The following NPFFR2 variants were observed in gnomAD, a reference collection of about 807,000 sequenced individuals.
NPFFR2 encodes G-protein coupled receptor 74.
A neutral mutation model predicts 13.1 loss-of-function variants in NPFFR2; 15 were observed. That is an observed-to-expected ratio of 1.15 (90% CI 0.77 to 1.76). NPFFR2 has a LOEUF of 1.76. Ranked by LOEUF, NPFFR2 falls within the 40% of genes most tolerant of loss-of-function variation. The pLI, the probability that NPFFR2 is intolerant of heterozygous loss-of-function variation, is 0.00. For missense variants in NPFFR2, 572 were observed against 503.5 expected (o/e 1.14, Z -1.30); for synonymous variants, 190 against 175.7 (o/e 1.08, Z -0.65).
intron 1 of NPFFR2, among the ~76,000 whole-genome samples, chr4:72,114,975 G>A (rs376574988): frequency 1.3e-5 from 2 of 152,090 alleles, no homozygotes; most frequent in South Asian, 2.1e-4. Flanking sequence ...TTTTCCCAGA[G>A]GATTAAGTGA....
intron 1 of NPFFR2, among the ~76,000 whole-genome samples, chr4:72,063,205 A>G (rs1719969773): frequency 6.6e-6 from 1 of 152,216 alleles, no homozygotes. Context: ...TTCATAACCA[A>G]AAGTATGTTT....
chr4:72,083,442 T>C (rs1720685655), intron 1 of NPFFR2, among the ~76,000 whole-genome samples: 1 of 152,230 alleles, frequency 6.6e-6, no homozygotes. Context: ...TGATGATTAC[T>C]GGTGTTTGGC....
At chr4:72,140,587 C>G (rs1243090998) in intron 3 of NPFFR2, among the ~76,000 whole-genome samples, 4 of 152,218 alleles carry the variant, frequency 2.6e-5, no homozygotes, top group South Asian at 4.2e-4. Flanking sequence ...GTTGAACCAG[C>G]CTTGCATCAC....
intron 1 of NPFFR2, among the ~76,000 whole-genome samples, chr4:72,041,632 C>A (rs1274562498): frequency 2.0e-5 from 3 of 152,258 alleles, no homozygotes; most frequent in South Asian, 2.1e-4. Context: ...ATAAGCATTC[C>A]TTTTTCTCCA....
At chr4:72,116,935 C>A (rs1339187149) in intron 1 of NPFFR2, among the ~76,000 whole-genome samples, 9 of 152,000 alleles carry the variant, frequency 5.9e-5, no homozygotes, top group African/African-American at 1.7e-4. Flanking sequence ...AAAAGTAAAA[C>A]CCCCTACCCC....
At chr4:72,138,227 C>A in intron 3 of NPFFR2, 88 bp downstream of exon 3, 1 of 779,538 alleles carries the variant, frequency 1.3e-6, no homozygotes, top group South Asian at 1.6e-5. Context: ...TAAATTTGGA[C>A]ATATCTTTTC....
intron 1 of NPFFR2, among the ~76,000 whole-genome samples, chr4:72,069,780 T>C (rs1720191617): frequency 1.3e-5 from 2 of 152,080 alleles, no homozygotes; most frequent in South Asian, 2.1e-4. Context: ...AAATGGCAAA[T>C]AAACATGAAA....
chr4:72,032,024 G>A lies in NPFFR2; in HGVS notation c.-184G>A, dbSNP rs1718935053. The A allele has an allele frequency of 6.2e-7, 1 of 1,613,914 alleles. No homozygotes were observed. The highest frequency in any genetic ancestry group is 1.3e-5 in the African/African-American group (1 of 75,060). ...CACTCAGCGTCCAGCAGCGCGGCGG[G>A]CCAGCCTGGAGCGGAAGCCTGGAGT... On this transcript the variant is annotated 5_prime_UTR_variant, in exon 1 of 4. Transcript: ENST00000308744.
chr4:72,098,821 C>A (rs995670243), intron 1 of NPFFR2, among the ~76,000 whole-genome samples: 1 of 152,128 alleles, frequency 6.6e-6, no homozygotes, highest in African/African-American at 2.4e-5. Flanking sequence ...TTACAATATA[C>A]CGTTCCATGA....
intron 1 of NPFFR2, 106 bp downstream of exon 1, chr4:72,032,306 C>A: frequency 8.0e-7 from 1 of 1,256,246 alleles, no homozygotes; most frequent in Non-Finnish European, 1.1e-6. Flanking sequence ...TGTGGACCGA[C>A]ACCTTGGATT....
intron 1 of NPFFR2, among the ~76,000 whole-genome samples, chr4:72,055,056 T>G (rs1719702323): frequency 1.3e-5 from 2 of 151,986 alleles, no homozygotes; most frequent in Admixed American, 1.3e-4. Flanking sequence ...ATTAAACTAC[T>G]AATATATGCA....
chr4:72,083,809 A>G (rs1720695117), intron 1 of NPFFR2, among the ~76,000 whole-genome samples: 1 of 152,156 alleles, frequency 6.6e-6, no homozygotes, highest in South Asian at 2.1e-4. Flanking sequence ...TTAAGTCTCC[A>G]CTAGGCTCTC....
intron 1 of NPFFR2, among the ~76,000 whole-genome samples, chr4:72,077,839 G>A (rs564585844): frequency 2.6e-5 from 4 of 152,106 alleles, no homozygotes; most frequent in Middle Eastern, 3.4e-3. Context: ...AGCATGAAGC[G>A]ACGTGTTTTT....
chr4:72,064,014 A>G (rs146501751), intron 1 of NPFFR2, among the ~76,000 whole-genome samples: 1,584 of 152,352 alleles, frequency 0.01, 18 homozygotes, highest in Non-Finnish European at 0.014. Flanking sequence ...AAAAAGGAAC[A>G]GTATAAACAA....
chr4:72,087,332 G>GA (rs1324836525), intron 1 of NPFFR2, among the ~76,000 whole-genome samples: 1 of 152,062 alleles, frequency 6.6e-6, no homozygotes, highest in African/African-American at 2.4e-5. Flanking sequence ...GTTCTGGGAA[G>GA]AAAATCCAAA....
chr4:72,037,991 C>T (rs938348325), intron 1 of NPFFR2, among the ~76,000 whole-genome samples: 3 of 152,130 alleles, frequency 2.0e-5, no homozygotes, highest in Non-Finnish European at 4.4e-5. Context: ...AATTAGTGCC[C>T]GCTTGAAGAT....
At chr4:72,037,952 A>C (rs1455552980) in intron 1 of NPFFR2, among the ~76,000 whole-genome samples, 1 of 152,154 alleles carries the variant, frequency 6.6e-6, no homozygotes, top group Non-Finnish European at 1.5e-5. Flanking sequence ...AGGTTTTAGT[A>C]ACTTTTTCTA....
chr4:72,077,056 T>G (rs1048885930), intron 1 of NPFFR2, among the ~76,000 whole-genome samples: 11 of 152,198 alleles, frequency 7.2e-5, no homozygotes, highest in African/African-American at 2.7e-4. Context: ...GCTACTCCCC[T>G]TATCAGTTAA....
chr4:72,088,290 A>G (rs914056432), intron 1 of NPFFR2, among the ~76,000 whole-genome samples: 3 of 152,022 alleles, frequency 2.0e-5, no homozygotes, highest in East Asian at 1.9e-4. Context: ...ATTTAACTCT[A>G]TATTTCTACC....
Sources: gnomAD v4.1 joint callset for allele counts (sites outside exome capture counted in the v4.1 genomes callset) on GRCh38, gnomAD v4.1.1 for gene constraint, MANE v1.5 for transcripts, NCBI Gene and HGNC (gene_info 2026-07-23, HGNC 2026-07-21) for gene names.